Variants in CAMKMT observed in about 807,000 individuals in gnomAD.
The protein encoded by CAMKMT is calmodulin-lysine N-methyltransferase.
Under a neutral mutation model 48.0 loss-of-function variants are expected in CAMKMT, and 53 were observed. That is an observed-to-expected ratio of 1.10 (90% CI 0.89 to 1.39). The LOEUF (loss-of-function observed/expected upper bound fraction) is 1.39. Ranked by LOEUF, CAMKMT falls within the 40% of genes most tolerant of loss-of-function variation. The probability of loss-of-function intolerance (pLI) is 0.00; values close to 1 mark genes in which losing one functional copy is unlikely to be tolerated. For synonymous variants in CAMKMT, 165 were observed against 152.3 expected (o/e 1.08, Z -0.61); for missense variants, 428 against 402.7 (o/e 1.06, Z -0.54).
chr2:44,370,031 AG>A lies in CAMKMT; in HGVS notation c.139-2683del, dbSNP rs1380678267. 3.9e-5 allele frequency: 6 copies of A among 152,200 alleles called. No homozygotes were observed. The East Asian group carries it at 1.2e-3, about 29-fold the overall frequency. 9.4% of individuals were successfully genotyped at this position (152,200 alleles called of 1,614,324 possible). ...AGGTATCTTGGAAGCTGGAATGGAT[AG>A]GTGATGCCGGTTTATCATATTCTCT... On this transcript the variant is annotated intron_variant, in intron 1 of 10. Coordinates refer to ENST00000378494, the MANE Select transcript of CAMKMT (RefSeq NM_024766.5).
intron 3 of CAMKMT, among the ~76,000 whole-genome samples, chr2:44,423,305 G>C (rs1417432726): frequency 1.3e-5 from 2 of 152,074 alleles, no homozygotes; most frequent in African/African-American, 4.8e-5. Context: ...TCAGCCTCCT[G>C]AGTAGCTGGG....
chr2:44,574,663 C>CTCAAA (rs1669110419), intron 3 of CAMKMT, among the ~76,000 whole-genome samples: 2 of 150,802 alleles, frequency 1.3e-5, no homozygotes, highest in African/African-American at 4.9e-5. Flanking sequence ...GTTGCGTTGA[C>CTCAAA]TTATAGAGTA....
At chr2:44,423,026 A>G (rs1002414395) in intron 3 of CAMKMT, among the ~76,000 whole-genome samples, 3 of 152,196 alleles carry the variant, frequency 2.0e-5, no homozygotes, top group African/African-American at 7.2e-5. Flanking sequence ...TTCCACCTGC[A>G]GCAGCAATAA....
chr2:44,691,031 C>A (rs1372103889), intron 3 of CAMKMT, among the ~76,000 whole-genome samples: 1 of 152,080 alleles, frequency 6.6e-6, no homozygotes, highest in Non-Finnish European at 1.5e-5. Flanking sequence ...TGAGCACTTA[C>A]TAGCTCCTAT....
intron 3 of CAMKMT, among the ~76,000 whole-genome samples, chr2:44,521,838 G>A (rs1410855144): frequency 1.4e-5 from 2 of 146,920 alleles, no homozygotes; most frequent in African/African-American, 2.5e-5. Context: ...CTGGGCAATA[G>A]AGCAAGATTC....
chr2:44,393,768 A>G (rs1460254781), intron 3 of CAMKMT, among the ~76,000 whole-genome samples: 1 of 152,296 alleles, frequency 6.6e-6, no homozygotes, highest in South Asian at 2.1e-4. Flanking sequence ...GGAGTGCTCT[A>G]TAAGCATTGT....
At chr2:44,454,571 A>ATT (rs1384505611) in intron 3 of CAMKMT, among the ~76,000 whole-genome samples, 1 of 152,166 alleles carries the variant, frequency 6.6e-6, no homozygotes, top group Non-Finnish European at 1.5e-5. Context: ...GGAACTTAAA[A>ATT]GTTAGCTTTG....
chr2:44,454,528 C>T (rs1285578335), intron 3 of CAMKMT, among the ~76,000 whole-genome samples: 1 of 152,108 alleles, frequency 6.6e-6, no homozygotes, highest in Non-Finnish European at 1.5e-5. Flanking sequence ...CTTCATGCTT[C>T]CAGGGCACCT....
At chr2:44,404,474 C>G (rs988335942) in intron 3 of CAMKMT, among the ~76,000 whole-genome samples, 1 of 152,036 alleles carries the variant, frequency 6.6e-6, no homozygotes, top group African/African-American at 2.4e-5. Context: ...TAGGAGAGCA[C>G]TAAGTTGCTA....
intron 2 of CAMKMT, among the ~76,000 whole-genome samples, chr2:44,381,028 C>A (rs1680189790): frequency 6.6e-6 from 1 of 152,030 alleles, no homozygotes; most frequent in South Asian, 2.1e-4. Context: ...GGAGTGGTGG[C>A]AGACACCTGT....
intron 2 of CAMKMT, among the ~76,000 whole-genome samples, chr2:44,384,911 T>C (rs1680629317): frequency 6.6e-6 from 1 of 152,168 alleles, no homozygotes; most frequent in South Asian, 2.1e-4. Context: ...AATCAGGTAG[T>C]GTGATGCCTC....
intron 3 of CAMKMT, among the ~76,000 whole-genome samples, chr2:44,541,033 G>T (rs1667079425): frequency 6.6e-6 from 1 of 152,090 alleles, no homozygotes; most frequent in African/African-American, 2.4e-5. Context: ...ATGTACATGG[G>T]TATATTTCTG....
chr2:44,590,375 C>T (rs994755849), intron 3 of CAMKMT, among the ~76,000 whole-genome samples: 2 of 152,150 alleles, frequency 1.3e-5, no homozygotes, highest in African/African-American at 2.4e-5. Context: ...CACCAGTAAG[C>T]CAGCTAGGCC....
chr2:44,496,958 C>T (rs1337418882), intron 3 of CAMKMT, among the ~76,000 whole-genome samples: 1 of 152,116 alleles, frequency 6.6e-6, no homozygotes, highest in Admixed American at 6.6e-5. Flanking sequence ...AGTTAAATGT[C>T]AACCTTTGGC....
intron 7 of CAMKMT, among the ~76,000 whole-genome samples, chr2:44,716,956 T>C (rs1413223230): frequency 6.6e-6 from 1 of 152,202 alleles, no homozygotes; most frequent in Non-Finnish European, 1.5e-5. Flanking sequence ...TAAACATATC[T>C]AGACATCTAA....
chr2:44,715,262 A>T (rs144096336), intron 6 of CAMKMT, 25 bp from the exon 7 acceptor site: 4 of 1,543,322 alleles, frequency 2.6e-6, no homozygotes, highest in Non-Finnish European at 3.6e-6. Flanking sequence ...ATCAGTGCAG[A>T]TGTTTTCTTA....
intron 8 of CAMKMT, among the ~76,000 whole-genome samples, chr2:44,753,653 T>C (rs1448760412): frequency 1.3e-5 from 2 of 152,200 alleles, no homozygotes; most frequent in African/African-American, 2.4e-5. Context: ...GGCTGGTGGT[T>C]TGTGGTCTGA....
rs773202321 is a variant in CAMKMT, at chr2:44,704,295, C to A, written c.389C>A (p.Ser130Tyr). The A allele has an allele frequency of 1.3e-5, 21 of 1,610,678 alleles. No individual in the cohort carries two copies. Among genetic ancestry groups the A allele is most frequent in the Non-Finnish European group, 1.8e-5 (21 of 1,178,322 alleles). The change falls in exon 4 of 11, where the codon TCT (serine) becomes TAT (tyrosine). Residue 130 changes from serine (S) to tyrosine (Y), a missense_variant. Physicochemically the swap from Ser to Tyr is moderately radical, Grantham distance 144. Transcript: ENST00000378494. The part of the protein sequence containing the change: ...DNTGNVCIWP[S>Y]EEVLAYYCLK... ...TTGTGTTTTCTAGGCATCTGGCCATCTGAAGAGGTTTTGGCTTACTACTGC... is the reference window on the plus strand; with the variant it reads ...TTGTGTTTTCTAGGCATCTGGCCATATGAAGAGGTTTTGGCTTACTACTGC...
intron 3 of CAMKMT, among the ~76,000 whole-genome samples, chr2:44,559,213 A>T (rs1434515664): frequency 6.6e-6 from 1 of 152,130 alleles, no homozygotes; most frequent in Non-Finnish European, 1.5e-5. Context: ...AGAATCATGA[A>T]ATGATGGTGT....
Sources: gnomAD v4.1 joint callset for allele counts (sites outside exome capture counted in the v4.1 genomes callset) on GRCh38, gnomAD v4.1.1 for gene constraint, MANE v1.5 for transcripts, NCBI Gene and HGNC (gene_info 2026-07-23, HGNC 2026-07-21) for gene names.